Variants in SOX5 observed in about 807,000 individuals in gnomAD.
SOX5 encodes the protein transcription factor SOX-5.
Under a neutral mutation model 92.0 loss-of-function variants are expected in SOX5, and 9 were observed. The observed-to-expected ratio is 0.10, with a 90% CI of 0.06 to 0.17. The LOEUF (loss-of-function observed/expected upper bound fraction) is 0.17, where lower values mean the gene tolerates loss of function less well. SOX5 is among the 10% of genes least tolerant of loss of function. The pLI is 1.00. For synonymous variants in SOX5, 344 were observed against 336.3 expected (o/e 1.02, Z -0.25); for missense variants, 642 against 944.5 (o/e 0.68, Z 4.20).
chr12:23,705,721 G>C (rs750150734), intron 6 of SOX5, among the ~76,000 whole-genome samples: 6 of 152,046 alleles, frequency 3.9e-5, no homozygotes, highest in Non-Finnish European at 8.8e-5. Context: ...CCTTATGAAT[G>C]AACCTGTTGG....
At position 24,533,132 on chromosome 12, in the gene SOX5, GT is replaced by G. The variant is rs1383157303; in HGVS notation, c.-251+29196del. 4.6e-5 allele frequency among the ~76,000 whole-genome samples: 7 copies of G among 151,816 alleles called. No individual in the cohort carries two copies. The South Asian group carries it at 6.3e-4, about 14-fold the overall frequency. On this transcript the variant is annotated intron_variant, in intron 1 of 4. Transcript: ENST00000446891. ...TTGTGATATATAGATGCATTTCTAGGTTTTTTTTCTTTCCAGGGCAAGTTAA... is the reference window on the plus strand; with the variant it reads ...TTGTGATATATAGATGCATTTCTAGGTTTTTTTCTTTCCAGGGCAAGTTAA...
intron 4 of SOX5, among the ~76,000 whole-genome samples, chr12:24,058,212 C>T (rs914859965): frequency 1.3e-5 from 2 of 152,186 alleles, no homozygotes; most frequent in African/African-American, 4.8e-5. Context: ...TTTGCATGGG[C>T]AAATGGAGTC....
intron 4 of SOX5, among the ~76,000 whole-genome samples, chr12:24,190,978 C>G (rs1234703791): frequency 1.3e-5 from 2 of 152,210 alleles, no homozygotes; most frequent in African/African-American, 4.8e-5. Context: ...GGATTATGTT[C>G]TCAAAAATTA....
intron 2 of SOX5, among the ~76,000 whole-genome samples, chr12:23,887,406 A>G (rs2097079636): frequency 6.6e-6 from 1 of 152,218 alleles, no homozygotes; most frequent in African/African-American, 2.4e-5. Flanking sequence ...TAAAAACAAA[A>G]TTATATAATA....
chr12:24,206,115 C>T (rs1262634968), intron 4 of SOX5, among the ~76,000 whole-genome samples: 2 of 152,110 alleles, frequency 1.3e-5, no homozygotes, highest in Admixed American at 6.5e-5. Context: ...TAAAAATAAG[C>T]GCTGCTTTAA....
rs139719890 is a variant in SOX5 at position 24,016,642 on chromosome 12, A to G, written c.-1-120618T>C. Among the ~76,000 whole-genome samples the G allele has an allele frequency of 7.9e-5, 12 of 152,320 alleles. No individual in the cohort carries two copies. In the East Asian group the frequency reaches 2.3e-3, roughly 29 times the overall value. On this transcript the variant is annotated intron_variant, in intron 4 of 4. Transcript: ENST00000446891. The stretch of plus-strand genomic sequence containing the variant: ...TTGCTAATAACATTTGCAGAAACGC[A>G]AAAAAATGGGAGACCATCTGGGTAT...
At chr12:23,871,009 AAC>A (rs1333370997) in intron 2 of SOX5, among the ~76,000 whole-genome samples, 1 of 152,142 alleles carries the variant, frequency 6.6e-6, no homozygotes, top group Non-Finnish European at 1.5e-5. Flanking sequence ...AGAAATACTT[AAC>A]TATGAAGAAT....
chr12:24,385,648 A>T (rs1958307995), intron 1 of SOX5, among the ~76,000 whole-genome samples: 1 of 151,978 alleles, frequency 6.6e-6, no homozygotes, highest in Non-Finnish European at 1.5e-5. Context: ...TTTAAATTTG[A>T]TGTTTTATCT....
In SOX5 at chr12:24,030,012, T is replaced by C. The variant is rs536695284; in HGVS notation, c.-1-133988A>G. On this transcript the variant is annotated intron_variant, in intron 4 of 4. Coordinates refer to the SOX5 transcript ENST00000446891. Reference sequence around the variant, plus strand: ...TCATTGCAACCTTATGAGGTACGTGTTGTTTTCACCTTCGTTTTACCGAAG... The same window carrying C: ...TCATTGCAACCTTATGAGGTACGTGCTGTTTTCACCTTCGTTTTACCGAAG... Among the ~76,000 whole-genome samples the C allele has an allele frequency of 4.6e-5, 7 of 152,038 alleles. No homozygotes were observed. The South Asian group carries it at 1.5e-3, about 32-fold the overall frequency.
At chr12:23,595,527 G>A (rs778232098) in intron 9 of SOX5, among the ~76,000 whole-genome samples, 3 of 149,302 alleles carry the variant, frequency 2.0e-5, no homozygotes, top group Admixed American at 1.4e-4. Flanking sequence ...GCTGAGGCAG[G>A]AGAATGGTGT....
chr12:24,285,344 G>A (rs1211605387), intron 2 of SOX5, among the ~76,000 whole-genome samples: 1 of 152,072 alleles, frequency 6.6e-6, no homozygotes, highest in African/African-American at 2.4e-5. Context: ...CAGTATGCTG[G>A]TCCAATATTT....
chr12:24,051,251 T>A (rs79868438), intron 4 of SOX5, among the ~76,000 whole-genome samples: 3,568 of 152,226 alleles, frequency 0.023, 150 homozygotes, highest in African/African-American at 0.083. Flanking sequence ...AAAAGAATGT[T>A]TTTTTTCTTG....
At chr12:23,596,794 A>G (rs1952542267) in intron 9 of SOX5, among the ~76,000 whole-genome samples, 1 of 152,162 alleles carries the variant, frequency 6.6e-6, no homozygotes, top group Admixed American at 6.5e-5. Context: ...ATGTTCATTG[A>G]GGTTTTATCA....
chr12:24,488,315 G>A (rs1181620842), intron 1 of SOX5, among the ~76,000 whole-genome samples: 4 of 152,190 alleles, frequency 2.6e-5, no homozygotes, highest in Admixed American at 2.0e-4. Flanking sequence ...AAAGCAGGGT[G>A]TGGTAACTCA....
chr12:24,126,414 C>G (rs919721800), intron 4 of SOX5, among the ~76,000 whole-genome samples: 3 of 152,308 alleles, frequency 2.0e-5, no homozygotes, highest in African/African-American at 7.2e-5. Context: ...CCACGAAGCA[C>G]CCTGCAAAGC....
At chr12:24,477,928 T>C (rs1945573589) in intron 1 of SOX5, among the ~76,000 whole-genome samples, 2 of 152,174 alleles carry the variant, frequency 1.3e-5, no homozygotes, top group Admixed American at 6.5e-5. Flanking sequence ...TACCAGTTAA[T>C]AAAATAACTT....
At chr12:23,828,660 T>C (rs1028955985) in intron 3 of SOX5, among the ~76,000 whole-genome samples, 10 of 151,972 alleles carry the variant, frequency 6.6e-5, no homozygotes, top group African/African-American at 2.4e-4. Context: ...AGTTATTATA[T>C]CATACATGAC....
intron 6 of SOX5, among the ~76,000 whole-genome samples, chr12:23,726,167 G>C (rs1166574586): frequency 3.9e-5 from 3 of 76,224 alleles, no homozygotes; most frequent in African/African-American, 1.7e-4. Flanking sequence ...GAGAGAGAGA[G>C]AGAGAGAGGT....
At position 23,934,166 on chromosome 12, in the gene SOX5, A is replaced by G. The variant is rs568784014; in HGVS notation, c.38+15398T>C. On this transcript the variant is annotated intron_variant, in intron 1 of 14. Coordinates refer to ENST00000451604, the MANE Select transcript of SOX5 (RefSeq NM_006940.6). ...ATTTTAAGGATTCATAAAATAAATT[A>G]TTCCCTCAGATATCAGGGCTCCCAA... Among the ~76,000 whole-genome samples, 53 of 151,586 alleles carry G rather than the reference A, an allele frequency of 3.5e-4. No homozygotes were observed. In the South Asian group the frequency reaches 6.4e-3, roughly 18 times the overall value.
Sources: allele counts gnomAD v4.1 joint callset (sites outside exome capture counted in the v4.1 genomes callset), GRCh38; gene constraint gnomAD v4.1.1; transcripts MANE v1.5; gene names NCBI Gene and HGNC (gene_info 2026-07-23, HGNC 2026-07-21).